The following NFAT5 variants were observed in gnomAD, a reference collection of about 807,000 sequenced individuals.
NFAT5 encodes the protein nuclear factor of activated T-cells 5.
A neutral mutation model predicts 166.5 loss-of-function variants in NFAT5; 31 were observed. The ratio of observed to expected loss-of-function variants is 0.19; its 90% CI spans 0.14 to 0.25. The LOEUF (loss-of-function observed/expected upper bound fraction) is 0.25, where lower values mean the gene tolerates loss of function less well. Ranked by LOEUF, NFAT5 falls within the 10% of genes least tolerant of loss-of-function variation. The probability of loss-of-function intolerance (pLI) is 1.00; values close to 1 mark genes in which losing one functional copy is unlikely to be tolerated. For missense variants in NFAT5, 1,449 were observed against 1,821.8 expected (o/e 0.80, Z 3.72); for synonymous variants, 612 against 639.7 (o/e 0.96, Z 0.65).
rs2037834948 is a variant in NFAT5 at position 69,698,538 on chromosome 16, T to C, written c.*2187T>C. 1 of 152,510 alleles carries C rather than the reference T, an allele frequency of 6.6e-6. No individual in the cohort carries two copies. Among genetic ancestry groups the C allele is most frequent in the Non-Finnish European group, 1.5e-5 (1 of 68,020 alleles). 9.4% of individuals were successfully genotyped at this position (152,510 alleles called of 1,614,324 possible). On this transcript the variant is annotated 3_prime_UTR_variant, in exon 15 of 15. Coordinates refer to ENST00000349945, the MANE Select transcript of NFAT5 (RefSeq NM_138713.4). ...TGTCTTTATTGAGTATTTAAGTATC[T>C]TTTGAAACAAATGACCTGTTCATCT...
At position 69,699,602 on chromosome 16, in the gene NFAT5, T is replaced by G. The variant is rs2037860345; in HGVS notation, c.*3251T>G. 6.6e-6 allele frequency: 1 copy of G among 152,658 alleles called. No individual in the cohort carries two copies. 9.5% of individuals were successfully genotyped at this position (152,658 alleles called of 1,614,324 possible). A position where few individuals can be genotyped will look rare whatever the true frequency, so the allele number is the denominator to read the frequency against. ...GAAGCTCAGTGGTTGATATTTGTGC[T>G]AATAATGCAATTTCCTGATTACTGT... On this transcript the variant is annotated 3_prime_UTR_variant, in exon 15 of 15. Transcript: ENST00000349945.
rs185086990 is a variant in NFAT5 at position 69,629,569 on chromosome 16, A to G, written c.253+3041A>G. On this transcript the variant is annotated intron_variant, in intron 3 of 14. Coordinates refer to ENST00000349945, the MANE Select transcript of NFAT5 (RefSeq NM_138713.4). ...CAATTTCTCCCCTCTTCATGGGGCC[A>G]AGTGTCAGAATCTGGGAGGTGGAGT... is the stretch of plus-strand genomic sequence containing the variant. Among the ~76,000 whole-genome samples, 252 of 152,116 alleles carry G rather than the reference A, an allele frequency of 1.7e-3. 2 individuals carry two copies. The highest frequency in any genetic ancestry group is 1.5e-3 in the East Asian group (8 of 5,176).
chr16:69,695,545 A>G, intron 14 of NFAT5, 166 bp downstream of exon 14: 1 of 618,798 alleles, frequency 1.6e-6, no homozygotes, highest in Non-Finnish European at 2.8e-6. Context: ...TTATGGTCAT[A>G]TAGTTAATAC....
intron 3 of NFAT5, among the ~76,000 whole-genome samples, chr16:69,627,699 C>G (rs1034433238): frequency 2.0e-5 from 3 of 152,274 alleles, no homozygotes; most frequent in Admixed American, 6.5e-5. Flanking sequence ...AGAAACTGAT[C>G]AGCCCTGTTC....
In NFAT5 at chr16:69,574,150, C is replaced by T. The variant is rs186230960; in HGVS notation, c.127+5602C>T. On this transcript the variant is annotated intron_variant, in intron 2 of 14. Transcript: ENST00000349945. ...CCCCCCAAAGTGCTGGGATTACAGG[C>T]GTGAGCCACTGCGCCCGGCCAAAAC... 3.9e-3 allele frequency among the ~76,000 whole-genome samples: 599 copies of T among 152,096 alleles called. 5 individuals carry two copies. The highest frequency in any genetic ancestry group is 0.013 in the African/African-American group (542 of 41,488).
At chr16:69,575,091 A>C (rs1316663156) in intron 2 of NFAT5, among the ~76,000 whole-genome samples, 1 of 152,054 alleles carries the variant, frequency 6.6e-6, no homozygotes, top group Non-Finnish European at 1.5e-5. Context: ...TCTTTTACTG[A>C]ATTTGGTATT....
intron 11 of NFAT5, among the ~76,000 whole-genome samples, chr16:69,689,357 C>A (rs904093621): frequency 1.3e-5 from 2 of 152,136 alleles, no homozygotes; most frequent in Non-Finnish European, 2.9e-5. Context: ...CCAAAGAACT[C>A]ATGAATAAAT....
intron 2 of NFAT5, among the ~76,000 whole-genome samples, chr16:69,611,442 C>G (rs2033698800): frequency 6.6e-6 from 1 of 152,190 alleles, no homozygotes; most frequent in African/African-American, 2.4e-5. Flanking sequence ...TTGGAGGAAA[C>G]TGGAGTCTCC....
chr16:69,602,316 C>G (rs1253768304), intron 2 of NFAT5, among the ~76,000 whole-genome samples: 1 of 148,518 alleles, frequency 6.7e-6, no homozygotes, highest in Admixed American at 6.7e-5. Flanking sequence ...GTTGCCCAGG[C>G]TGGAGTGCAA....
chr16:69,618,282 G>A (rs1050824369), intron 2 of NFAT5, among the ~76,000 whole-genome samples: 11 of 152,104 alleles, frequency 7.2e-5, no homozygotes, highest in Admixed American at 2.0e-4. Context: ...TAGGAAAACA[G>A]TAATTAAATA....
At chr16:69,597,571 G>A (rs909839918) in intron 2 of NFAT5, among the ~76,000 whole-genome samples, 1 of 151,380 alleles carries the variant, frequency 6.6e-6, no homozygotes, top group Non-Finnish European at 1.5e-5. Context: ...GAATTCTAAG[G>A]TGGGTCTTGG....
intron 4 of NFAT5, chr16:69,648,854 A>G: frequency 1.1e-6 from 1 of 920,650 alleles, no homozygotes; most frequent in Non-Finnish European, 1.3e-6. Flanking sequence ...TGAATATTAT[A>G]GAGAATATTC....
At chr16:69,673,778 AC>A (rs1439635618) in intron 9 of NFAT5, among the ~76,000 whole-genome samples, 9 of 152,114 alleles carry the variant, frequency 5.9e-5, no homozygotes, top group African/African-American at 1.9e-4. Flanking sequence ...TATTAGGCCT[AC>A]ACAAAAAAAG....
intron 3 of NFAT5, among the ~76,000 whole-genome samples, chr16:69,635,023 G>GTTTTTTTTT (rs530661389): frequency 4.7e-5 from 5 of 105,266 alleles, no homozygotes; most frequent in Non-Finnish European, 9.0e-5. Context: ...TGTTAGTAAA[G>GTTTTTTTTT]TTTTTTTTTT....
intron 2 of NFAT5, among the ~76,000 whole-genome samples, chr16:69,588,177 G>T (rs1409506799): frequency 2.0e-5 from 3 of 151,876 alleles, no homozygotes; most frequent in Admixed American, 6.6e-5. Context: ...GTCTCCAGTT[G>T]CTGACCTCGT....
Position 69,693,427 on chromosome 16 carries a change from A to C in NFAT5, c.3602A>C (p.Gln1201Pro). Residue 1201 changes from glutamine to proline, a missense_variant, in exon 13 of 15, where the codon CAA (glutamine) becomes CCA (proline). Coordinates refer to ENST00000349945, the MANE Select transcript of NFAT5 (RefSeq NM_138713.4). ...TSNSEQQAAF[Q>P]QQAPISHIQT... ...AACAGTGAACAACAAGCTGCTTTCC[A>C]ACAGCAAGCTCCAATATCACACATC... The C allele has an allele frequency of 6.2e-7, 1 of 1,614,176 alleles. No individual in the cohort carries two copies. Among genetic ancestry groups the C allele is most frequent in the South Asian group, 1.1e-5 (1 of 91,082 alleles).
At position 69,697,344 on chromosome 16, in the gene NFAT5, G is replaced by A. The variant is rs1242306455; in HGVS notation, c.*993G>A. The stretch of plus-strand genomic sequence containing the variant: ...CCTGCAGCACAGGGCAGAGAGTACT[G>A]TCTTAGGAATTATTAGGAGTTGATT... On this transcript the variant is annotated 3_prime_UTR_variant, in exon 15 of 15. Transcript: ENST00000349945. The A allele has an allele frequency of 6.6e-6, 1 of 151,926 alleles. No individual in the cohort carries two copies. The highest frequency in any genetic ancestry group is 2.4e-5 in the African/African-American group (1 of 41,340). 9.4% of individuals were successfully genotyped at this position (151,926 alleles called of 1,614,324 possible). A position where few individuals can be genotyped will look rare whatever the true frequency, so the allele number is the denominator to read the frequency against.
At chr16:69,583,769 A>C (rs774287220) in intron 2 of NFAT5, among the ~76,000 whole-genome samples, 29 of 152,164 alleles carry the variant, frequency 1.9e-4, no homozygotes, top group Non-Finnish European at 3.8e-4. Context: ...ATATTTATTG[A>C]ATGAAAGAGT....
intron 3 of NFAT5, among the ~76,000 whole-genome samples, chr16:69,630,086 G>A (rs1400893929): frequency 1.3e-5 from 2 of 151,888 alleles, no homozygotes; most frequent in Admixed American, 6.6e-5. Flanking sequence ...GCAGGTGCAC[G>A]CCACCATGCC....
Sources: allele counts gnomAD v4.1 joint callset (sites outside exome capture counted in the v4.1 genomes callset), GRCh38; gene constraint gnomAD v4.1.1; transcripts MANE v1.5; gene names NCBI Gene and HGNC (gene_info 2026-07-23, HGNC 2026-07-21).